BCAR1: variants seen among roughly 807,000 people sequenced by gnomAD.
The protein encoded by BCAR1 is BCAR1 scaffold protein, Cas family member, also known as breast cancer anti-estrogen resistance protein 1.
Under a neutral mutation model 67.6 loss-of-function variants are expected in BCAR1, and 30 were observed. The observed-to-expected ratio is 0.44, with a 90% CI of 0.33 to 0.60. The LOEUF is 0.60. Among genes scored for constraint, BCAR1 ranks in the 20% least tolerant of loss-of-function variants. The pLI is 0.02. For synonymous variants in BCAR1, 626 were observed against 556.7 expected (o/e 1.12, Z -1.75); for missense variants, 1,313 against 1,222.3 (o/e 1.07, Z -1.11).
In BCAR1 at chr16:75,229,447, C is replaced by T. The variant is rs1331673893; in HGVS notation, c.*64G>A. On this transcript the variant is annotated 3_prime_UTR_variant, in exon 7 of 7. Transcript: ENST00000162330. ...AAGCCTGTGGCACAGCGACTCTTGA[C>T]ATGGGAGCCAGGGAGCTGGGACCGC... 14 of 1,455,350 alleles carry T rather than the reference C, an allele frequency of 9.6e-6. No individual in the cohort carries two copies. Among genetic ancestry groups the T allele is most frequent in the Non-Finnish European group, 1.3e-5 (14 of 1,104,742 alleles). The allele number at this position is 1,455,350 out of a possible 1,614,324, so 90.2% of individuals were successfully genotyped here.
At chr16:75,262,461 G>A (rs1021586511) in intron 1 of BCAR1, among the ~76,000 whole-genome samples, 1 of 152,242 alleles carries the variant, frequency 6.6e-6, no homozygotes, top group Admixed American at 6.5e-5. Flanking sequence ...GAATGACCTG[G>A]TGAACGAGGC....
intron 5 of BCAR1, 102 bp downstream of exon 5, chr16:75,234,787 G>A (rs1407528978): frequency 3.4e-6 from 5 of 1,480,936 alleles, no homozygotes; most frequent in Non-Finnish European, 4.5e-6. Context: ...GAGGGTGCAG[G>A]GCCTTGCCAG....
intron 2 of BCAR1, among the ~76,000 whole-genome samples, chr16:75,239,893 G>A (rs1488446966): frequency 6.6e-6 from 1 of 152,210 alleles, no homozygotes; most frequent in Non-Finnish European, 1.5e-5. Context: ...CCACGTGCAC[G>A]CCTGACCTCA....
At chr16:75,239,209 GAGA>G (rs2077249310) in intron 2 of BCAR1, 1 of 764,510 alleles carries the variant, frequency 1.3e-6, no homozygotes, top group South Asian at 5.9e-5. Flanking sequence ...CTGCACACCT[GAGA>G]CCCCACTAGC....
chr16:75,267,355 A>C (rs1194653327), intron 1 of BCAR1, among the ~76,000 whole-genome samples: 3 of 138,546 alleles, frequency 2.2e-5, no homozygotes, highest in Non-Finnish European at 3.0e-5. Flanking sequence ...AGTGCTCAGC[A>C]AGGCATTGTT....
intron 1 of BCAR1, among the ~76,000 whole-genome samples, chr16:75,244,849 C>T (rs944272799): frequency 1.1e-4 from 17 of 152,194 alleles, no homozygotes; most frequent in Admixed American, 2.0e-4. Flanking sequence ...AAAAGGCACT[C>T]AAGTGAAAAG....
chr16:75,239,686 C>A (rs941565853), intron 2 of BCAR1, among the ~76,000 whole-genome samples: 2 of 152,166 alleles, frequency 1.3e-5, no homozygotes, highest in Non-Finnish European at 2.9e-5. Flanking sequence ...AGGAGCGCTG[C>A]GACCACGGCC....
chr16:75,240,451 G>A (rs933483749), intron 2 of BCAR1, among the ~76,000 whole-genome samples: 3 of 152,206 alleles, frequency 2.0e-5, no homozygotes, highest in Non-Finnish European at 2.9e-5. Context: ...AGTCCAAGGC[G>A]GCTCAGGGAC....
intron 6 of BCAR1, among the ~76,000 whole-genome samples, chr16:75,231,123 G>T (rs1215439015): frequency 6.8e-6 from 1 of 146,424 alleles, no homozygotes; most frequent in Non-Finnish European, 1.5e-5. Context: ...TTTAAATGGA[G>T]TCTTGCTCTA....
At chr16:75,257,669 C>G (rs993363106) in intron 1 of BCAR1, among the ~76,000 whole-genome samples, 1 of 152,128 alleles carries the variant, frequency 6.6e-6, no homozygotes, top group African/African-American at 2.4e-5. Flanking sequence ...TGCCCAGGCT[C>G]GTCTCCAACT....
At chr16:75,252,417 T>A (rs551526497), upstream of BCAR1, 1 of 1,450,424 alleles carries the variant, frequency 6.9e-7, no homozygotes, top group African/African-American at 1.4e-5. Flanking sequence ...ATGAGGGAGA[T>A]AGAAGGAAGA....
chr16:75,263,311 G>A, intron 1 of BCAR1: 1 of 985,462 alleles, frequency 1.0e-6, no homozygotes, highest in Non-Finnish European at 1.2e-6. Flanking sequence ...GCCAATGCCA[G>A]CCAGAGGTCT....
rs1597142385 is a variant in BCAR1, at chr16:75,229,180, C to T, written c.*331G>A. ...GCCCTGTCAGGGGACACGGCACCCT[C>T]GTGGGACCAGGCTCAGCCCTCGGGG... On this transcript the variant is annotated 3_prime_UTR_variant, in exon 7 of 7. Transcript: ENST00000162330. 1.4e-5 allele frequency: 4 copies of T among 290,448 alleles called. No homozygotes were observed. Among genetic ancestry groups the T allele is most frequent in the East Asian group, 6.0e-5 (1 of 16,716 alleles). 18.0% of individuals were successfully genotyped at this position (290,448 alleles called of 1,614,324 possible).
intron 4 of BCAR1, 73 bp downstream of exon 4, chr16:75,236,809 A>C: frequency 6.5e-7 from 1 of 1,545,776 alleles, no homozygotes; most frequent in Non-Finnish European, 8.7e-7. Context: ...GACACTGGTC[A>C]GCACCCCTGT....
chr16:75,251,210 C>T (rs1346543138), intron 1 of BCAR1, among the ~76,000 whole-genome samples: 1 of 152,018 alleles, frequency 6.6e-6, no homozygotes, highest in Non-Finnish European at 1.5e-5. Context: ...AGCCACTTTC[C>T]CGACACAGGA....
chr16:75,247,852 G>C, intron 1 of BCAR1: 4 of 608,922 alleles, frequency 6.6e-6, no homozygotes, highest in Non-Finnish European at 1.2e-5. Context: ...GGTGGGAGCT[G>C]GGAGAAAATG....
Position 75,235,610 on chromosome 16 carries a change from G to T in BCAR1, c.1289C>A (p.Ser430Tyr), listed in dbSNP as rs757762799. The change falls in exon 5 of 7, where the codon TCC (serine) becomes TAC (tyrosine). Residue 430 changes from serine (S) to tyrosine (Y), a missense_variant. Transcript: ENST00000162330. ...APAEGKRLSA[S>Y]STGSTRSSQS... ...GCTGCTGCGTGTGCTGCCGGTGCTG[G>T]AGGCCGACAGGCGCTTGCCCTCTGC... 8.1e-6 allele frequency: 13 copies of T among 1,597,884 alleles called. No individual in the cohort carries two copies. The highest frequency in any genetic ancestry group is 1.1e-5 in the Non-Finnish European group (13 of 1,171,242).
chr16:75,250,617 A>G, intron 1 of BCAR1: 2 of 984,756 alleles, frequency 2.0e-6, no homozygotes, highest in Non-Finnish European at 2.4e-6. Context: ...CCAGGCCGTA[A>G]GCCCCTCACC....
upstream of BCAR1, chr16:75,252,318 C>T (rs2077699111): frequency 7.8e-6 from 12 of 1,536,354 alleles, no homozygotes; most frequent in South Asian, 1.3e-4. Flanking sequence ...TTCCTAGGTT[C>T]AGCCTAAAAC....
Sources: gnomAD v4.1 joint callset for allele counts (sites outside exome capture counted in the v4.1 genomes callset) on GRCh38, gnomAD v4.1.1 for gene constraint, MANE v1.5 for transcripts, NCBI Gene and HGNC (gene_info 2026-07-23, HGNC 2026-07-21) for gene names.